Variants in KLHL29 observed in about 807,000 individuals in gnomAD.
KLHL29 encodes kelch-like protein 29.
KLHL29 carries 21 observed loss-of-function variants against 80.4 expected under a neutral mutation model. That is an observed-to-expected ratio of 0.26 (90% confidence interval 0.19 to 0.38). The LOEUF (loss-of-function observed/expected upper bound fraction) is 0.38, where lower values mean the gene tolerates loss of function less well. Among genes scored for constraint, KLHL29 ranks in the 10% least tolerant of loss-of-function variants. KLHL29 has a pLI of 1.00. For synonymous variants in KLHL29, 511 were observed against 526.8 expected (o/e 0.97, Z 0.41); for missense variants, 867 against 1,223.9 (o/e 0.71, Z 4.35).
At chr2:23,692,489 G>C (rs902704959) in intron 7 of KLHL29, among the ~76,000 whole-genome samples, 2 of 152,240 alleles carry the variant, frequency 1.3e-5, no homozygotes, top group Middle Eastern at 3.2e-3. Flanking sequence ...GCAGTGGCCT[G>C]GGGTGTGGAG....
At chr2:23,543,008 T>TA (rs1247492327) in intron 2 of KLHL29, among the ~76,000 whole-genome samples, 6 of 152,198 alleles carry the variant, frequency 3.9e-5, no homozygotes, top group Admixed American at 3.9e-4. Flanking sequence ...TGTAGTGGCT[T>TA]AATCATGTAG....
At chr2:23,493,713 GTC>G (rs1455713966) in intron 2 of KLHL29, among the ~76,000 whole-genome samples, 10 of 152,100 alleles carry the variant, frequency 6.6e-5, no homozygotes, top group African/African-American at 2.4e-4. Flanking sequence ...GTGTGTCTGT[GTC>G]TGTGTGTCCG....
intron 2 of KLHL29, among the ~76,000 whole-genome samples, chr2:23,536,240 A>G (rs1666656822): frequency 6.6e-6 from 1 of 152,132 alleles, no homozygotes; most frequent in African/African-American, 2.4e-5. Flanking sequence ...CCTGAAGCTG[A>G]TGATGGAGGG....
At chr2:23,488,338 G>A (rs972042763) in intron 2 of KLHL29, among the ~76,000 whole-genome samples, 2 of 152,248 alleles carry the variant, frequency 1.3e-5, no homozygotes, top group Non-Finnish European at 2.9e-5. Flanking sequence ...GCCTGGACTG[G>A]ATGATGCTCT....
intron 1 of KLHL29, among the ~76,000 whole-genome samples, chr2:23,474,227 T>C (rs920955541): frequency 6.6e-6 from 1 of 152,198 alleles, no homozygotes; most frequent in African/African-American, 2.4e-5. Context: ...GCCTTGAACA[T>C]ACTGCCTGAC....
At chr2:23,549,767 G>A (rs747863318) in intron 2 of KLHL29, among the ~76,000 whole-genome samples, 4 of 152,218 alleles carry the variant, frequency 2.6e-5, no homozygotes, top group Non-Finnish European at 5.9e-5. Context: ...CAAAGTCAAG[G>A]CCCCGGAGAT....
At chr2:23,662,439 G>A (rs954775186) in intron 5 of KLHL29, among the ~76,000 whole-genome samples, 4 of 152,216 alleles carry the variant, frequency 2.6e-5, no homozygotes, top group East Asian at 1.9e-4. Flanking sequence ...TCAATAGATG[G>A]TGGGGGCTTT....
intron 1 of KLHL29, among the ~76,000 whole-genome samples, chr2:23,434,911 C>T (rs1392262021): frequency 6.6e-6 from 1 of 152,138 alleles, no homozygotes; most frequent in African/African-American, 2.4e-5. Context: ...GTCAGGCTGT[C>T]TTACCACCTG....
intron 5 of KLHL29, among the ~76,000 whole-genome samples, chr2:23,675,170 A>G (rs539372645): frequency 6.6e-6 from 1 of 152,092 alleles, no homozygotes; most frequent in African/African-American, 2.4e-5. Context: ...GAATATTCCC[A>G]TCACCCCTCG....
intron 2 of KLHL29, among the ~76,000 whole-genome samples, chr2:23,534,000 A>G (rs1308912199): frequency 6.6e-6 from 1 of 151,178 alleles, no homozygotes; most frequent in Non-Finnish European, 1.5e-5. Context: ...TGGGGTATGT[A>G]ATAGTCCTCC....
At position 23,695,992 on chromosome 2, in the gene KLHL29, G is replaced by C. The variant is rs1234931312; in HGVS notation, c.1783G>C (p.Val595Leu). 6.4e-7 allele frequency: 1 copy of C among 1,551,582 alleles called. No individual in the cohort carries two copies. Among genetic ancestry groups the C allele is most frequent in the Non-Finnish European group, 8.7e-7 (1 of 1,146,996 alleles). ...CGTCTTGGTTGGGGGCCGTCAGATG[G>C]TGGGGATGACCCAGCGCTCGCTGGT... is the stretch of plus-strand genomic sequence containing the variant. ...VIVLVGGRQM[V>L]GMTQRSLVAV... Residue 595 changes from valine (V) to leucine (L), a missense_variant, in exon 10 of 14, where the codon GTG (valine) becomes CTG (leucine). Physicochemically the swap from Val to Leu is conservative, Grantham distance 32. Around this residue, in one of 2 missense-constraint regions of KLHL29, gnomAD observed 443 missense variants for 767.0 expected, o/e 0.58. Transcript: ENST00000486442. This position sits in a 1 kb window ranked among gnomAD's most constrained non-coding sequence, Gnocchi z 7.6.
intron 2 of KLHL29, among the ~76,000 whole-genome samples, chr2:23,478,487 G>A (rs916935391): frequency 6.6e-6 from 1 of 152,160 alleles, no homozygotes; most frequent in African/African-American, 2.4e-5. Flanking sequence ...GGAGGGCTGC[G>A]CTCTGCTTTT....
chr2:23,399,300 T>G (rs1165539171), intron 1 of KLHL29, among the ~76,000 whole-genome samples: 1 of 152,214 alleles, frequency 6.6e-6, no homozygotes, highest in Non-Finnish European at 1.5e-5. Context: ...AATTTATGAT[T>G]ATGAAATAAA....
intron 1 of KLHL29, among the ~76,000 whole-genome samples, chr2:23,387,870 A>G (rs1666224529): frequency 6.6e-6 from 1 of 152,186 alleles, no homozygotes; most frequent in Non-Finnish European, 1.5e-5. Flanking sequence ...AAATTGGTTT[A>G]TGGGCTGATG....
chr2:23,443,412 G>T (rs1313731122), intron 1 of KLHL29, among the ~76,000 whole-genome samples: 2 of 152,132 alleles, frequency 1.3e-5, no homozygotes, highest in Middle Eastern at 3.2e-3. Flanking sequence ...CAAATTTTTA[G>T]AATTGTTTTT....
intron 1 of KLHL29, among the ~76,000 whole-genome samples, chr2:23,393,649 GT>G (rs763276921): frequency 4.6e-5 from 7 of 152,188 alleles, no homozygotes; most frequent in African/African-American, 1.7e-4. Flanking sequence ...CTTTATATTA[GT>G]TTTTTCTCGA....
At chr2:23,610,693 G>A (rs949051129) in intron 3 of KLHL29, among the ~76,000 whole-genome samples, 3 of 152,238 alleles carry the variant, frequency 2.0e-5, no homozygotes, top group Non-Finnish European at 2.9e-5. Context: ...GTGGTGGGGC[G>A]GGTGCCCTGA....
chr2:23,410,369 T>C (rs891343008), intron 1 of KLHL29, among the ~76,000 whole-genome samples: 1 of 152,032 alleles, frequency 6.6e-6, no homozygotes, highest in African/African-American at 2.4e-5. Flanking sequence ...AGGAGAGGGA[T>C]GTCTCAAGGT....
chr2:23,432,643 T>C (rs190101011), intron 1 of KLHL29, among the ~76,000 whole-genome samples: 64 of 152,314 alleles, frequency 4.2e-4, no homozygotes, highest in African/African-American at 1.5e-3. Context: ...GCAGCGGAGC[T>C]CCTGTGACAG....
Sources: gnomAD v4.1 joint callset for allele counts (sites outside exome capture counted in the v4.1 genomes callset) on GRCh38, gnomAD v4.1.1 for gene constraint, gnomAD v4.1.1 regional missense constraint, Gnocchi (gnomAD v3.1) non-coding constraint, MANE v1.5 for transcripts, NCBI Gene and HGNC (gene_info 2026-07-23, HGNC 2026-07-21) for gene names.